Variants in PCED1B observed in about 807,000 individuals in gnomAD.
The protein encoded by PCED1B is PC-esterase domain containing 1B, also known as PC-esterase domain-containing protein 1B.
For missense variants in PCED1B, 573 were observed against 573.9 expected (o/e 1.00, Z 0.02); for synonymous variants, 251 against 246.1 (o/e 1.02, Z -0.19).
At chr12:47,114,371 A>C (rs1280785178) in intron 2 of PCED1B, among the ~76,000 whole-genome samples, 2 of 152,232 alleles carry the variant, frequency 1.3e-5, no homozygotes, top group Non-Finnish European at 2.9e-5. Flanking sequence ...TTATGACTTA[A>C]AAGCAGAAAT....
At chr12:47,233,058 G>A (rs1054824497) in intron 3 of PCED1B, among the ~76,000 whole-genome samples, 5 of 151,916 alleles carry the variant, frequency 3.3e-5, no homozygotes, top group Non-Finnish European at 7.4e-5. Flanking sequence ...CGCCTCAGTC[G>A]TGCGCCACCA....
At chr12:47,160,638 G>GA (rs1941348298) in intron 2 of PCED1B, among the ~76,000 whole-genome samples, 1 of 151,982 alleles carries the variant, frequency 6.6e-6, no homozygotes, top group Admixed American at 6.6e-5. Flanking sequence ...TCTTATCCAA[G>GA]AAATCAGTGA....
chr12:47,134,175 A>G (rs1053800170), intron 2 of PCED1B, among the ~76,000 whole-genome samples: 1 of 152,240 alleles, frequency 6.6e-6, no homozygotes, highest in Non-Finnish European at 1.5e-5. Context: ...GGTACATTCC[A>G]TGACATCATG....
At chr12:47,202,161 T>C (rs1443653512) in intron 2 of PCED1B, among the ~76,000 whole-genome samples, 1 of 152,250 alleles carries the variant, frequency 6.6e-6, no homozygotes, top group Non-Finnish European at 1.5e-5. Context: ...TCTAATGTGC[T>C]ACTAAGATAA....
chr12:47,152,629 A>G (rs1288496563), intron 2 of PCED1B, among the ~76,000 whole-genome samples: 1 of 152,188 alleles, frequency 6.6e-6, no homozygotes. Context: ...CATCAATGTT[A>G]TCTTCTAAAA....
intron 1 of PCED1B, among the ~76,000 whole-genome samples, chr12:47,088,073 G>A (rs182631462): frequency 2.6e-5 from 4 of 152,276 alleles, no homozygotes; most frequent in Middle Eastern, 3.4e-3. Context: ...AGATGGAAAC[G>A]CAGTACTAAT....
chr12:47,137,725 C>T (rs2137391921), intron 2 of PCED1B, among the ~76,000 whole-genome samples: 1 of 126,016 alleles, frequency 7.9e-6, no homozygotes, highest in East Asian at 2.2e-4. Context: ...GAGTGAGGCC[C>T]TGTCTAAAAA....
intron 2 of PCED1B, among the ~76,000 whole-genome samples, chr12:47,135,016 C>T (rs1231111979): frequency 2.0e-5 from 3 of 152,332 alleles, no homozygotes; most frequent in Non-Finnish European, 2.9e-5. Flanking sequence ...ATTTCATATA[C>T]ATACATTACA....
chr12:47,119,969 A>C (rs975108193), intron 2 of PCED1B, among the ~76,000 whole-genome samples: 4 of 88,924 alleles, frequency 4.5e-5, no homozygotes, highest in Admixed American at 1.1e-4. Context: ...CTGTCTCCAT[A>C]ATAATAATAA....
chr12:47,212,107 C>G (rs530574312), intron 2 of PCED1B, among the ~76,000 whole-genome samples: 3 of 148,542 alleles, frequency 2.0e-5, no homozygotes, highest in African/African-American at 7.5e-5. Flanking sequence ...CAATCTCTAC[C>G]AAAAATACAA....
intron 2 of PCED1B, among the ~76,000 whole-genome samples, chr12:47,180,137 A>G (rs888639742): frequency 2.6e-5 from 4 of 151,954 alleles, no homozygotes; most frequent in African/African-American, 9.7e-5. Flanking sequence ...GTTCCTCACT[A>G]TGTGTCTATG....
chr12:47,224,394 GA>G (rs1173830531), intron 3 of PCED1B, among the ~76,000 whole-genome samples: 1 of 152,136 alleles, frequency 6.6e-6, no homozygotes, highest in African/African-American at 2.4e-5. Context: ...ATTATTATGG[GA>G]AAATACACTG....
chr12:47,123,673 T>C (rs937247788), intron 2 of PCED1B, among the ~76,000 whole-genome samples: 2 of 152,082 alleles, frequency 1.3e-5, no homozygotes, highest in African/African-American at 2.4e-5. Flanking sequence ...TATGCATATT[T>C]GTTACAATGA....
intron 2 of PCED1B, among the ~76,000 whole-genome samples, chr12:47,203,770 C>G (rs899331061): frequency 1.3e-5 from 2 of 152,180 alleles, no homozygotes; most frequent in Non-Finnish European, 2.9e-5. Flanking sequence ...CTCCAATGGA[C>G]ATACATATGC....
intron 2 of PCED1B, among the ~76,000 whole-genome samples, chr12:47,113,698 TTTTTAAGAATGTAA>T (rs1246114225): frequency 6.6e-6 from 1 of 152,204 alleles, no homozygotes; most frequent in East Asian, 1.9e-4. Context: ...CAATTTTTTT[TTTTTAAGAATGTAA>T]TTTTAAGAAT....
At chr12:47,219,936 G>A (rs1943420427) in intron 3 of PCED1B, among the ~76,000 whole-genome samples, 1 of 151,924 alleles carries the variant, frequency 6.6e-6, no homozygotes, top group Non-Finnish European at 1.5e-5. Flanking sequence ...TAATGGGTGT[G>A]GTGGCATGAG....
At chr12:47,081,493 T>G (rs1041920552) in intron 1 of PCED1B, among the ~76,000 whole-genome samples, 10 of 152,290 alleles carry the variant, frequency 6.6e-5, no homozygotes, top group African/African-American at 2.4e-4. Flanking sequence ...GACAACTTGA[T>G]TCAGATTAAT....
intron 2 of PCED1B, among the ~76,000 whole-genome samples, chr12:47,157,383 G>A (rs1448924359): frequency 6.6e-6 from 1 of 152,106 alleles, no homozygotes; most frequent in Non-Finnish European, 1.5e-5. Flanking sequence ...GACACTAAGA[G>A]GTCAAGAGTA....
rs537860566 is a variant in PCED1B, at chr12:47,151,692, G to A, written c.-526+47497G>A. Among the ~76,000 whole-genome samples the A allele has an allele frequency of 7.8e-4, 119 of 152,248 alleles. 1 individual carries two copies. The highest frequency in any genetic ancestry group is 6.2e-4 in the South Asian group (3 of 4,824). On this transcript the variant is annotated intron_variant, in intron 2 of 3. Coordinates refer to ENST00000546455, the MANE Select transcript of PCED1B (RefSeq NM_138371.3). ...ATGGTGTAAATTCCAGTCTAAATTC[G>A]AATCTGAAGGCCAGAGAGGACCAAG...
Sources: gnomAD v4.1 joint callset for allele counts (sites outside exome capture counted in the v4.1 genomes callset) on GRCh38, gnomAD v4.1.1 for gene constraint, MANE v1.5 for transcripts, NCBI Gene and HGNC (gene_info 2026-07-23, HGNC 2026-07-21) for gene names.